RMDN3: variants seen among roughly 807,000 people sequenced by gnomAD.
RMDN3 encodes the protein regulator of microtubule dynamics 3.
RMDN3 carries 41 observed loss-of-function variants against 61.8 expected under a neutral mutation model. That is an observed-to-expected ratio of 0.66 (90% CI 0.52 to 0.86). The LOEUF (loss-of-function observed/expected upper bound fraction) is 0.86, where lower values mean the gene tolerates loss of function less well. RMDN3 is among the 40% of genes least tolerant of loss of function. The pLI is 0.00. For missense variants in RMDN3, 557 were observed against 585.3 expected (o/e 0.95, Z 0.50); for synonymous variants, 247 against 232.0 (o/e 1.06, Z -0.59).
chr15:40,743,529 G>T (rs1897365398), intron 6 of RMDN3, among the ~76,000 whole-genome samples: 1 of 152,170 alleles, frequency 6.6e-6, no homozygotes, highest in Non-Finnish European at 1.5e-5. Context: ...AGTCTCTAAA[G>T]TCCAAGCATT....
intron 4 of RMDN3, among the ~76,000 whole-genome samples, chr15:40,747,431 T>C (rs1382536293): frequency 6.6e-6 from 1 of 152,152 alleles, no homozygotes; most frequent in African/African-American, 2.4e-5. Context: ...TAGACTTTAA[T>C]TGCATCTCAG....
In RMDN3 at chr15:40,745,092, C is replaced by T. The variant is rs1277921585; in HGVS notation, c.692G>A (p.Gly231Asp). 1.9e-6 allele frequency: 3 copies of T among 1,614,044 alleles called. No homozygotes were observed. The highest frequency in any genetic ancestry group is 2.5e-6 in the Non-Finnish European group (3 of 1,180,034). Residue 231 changes from glycine to aspartate, a missense_variant, in exon 5 of 13, where the codon GGT (glycine) becomes GAT (aspartate). Transcript: ENST00000338376. ...SGASSALEAGGSSGLEDVLPL... is the reference protein window; with the variant it reads ...SGASSALEAGDSSGLEDVLPL... ...CAGCACATCCTCCAAGCCTGAGGAACCTCCAGCCTCCAGGGCACTGGAGGC... is the reference window on the plus strand; with the variant it reads ...CAGCACATCCTCCAAGCCTGAGGAATCTCCAGCCTCCAGGGCACTGGAGGC...
At chr15:40,744,626 G>A (rs1341514774) in intron 5 of RMDN3, among the ~76,000 whole-genome samples, 1 of 151,828 alleles carries the variant, frequency 6.6e-6, no homozygotes, top group East Asian at 1.9e-4. Context: ...TCTGCCTCAA[G>A]GGAAATGAGG....
rs1897034872 is a variant in RMDN3 at position 40,736,208 on chromosome 15, T to G, written c.*333A>C. On this transcript the variant is annotated 3_prime_UTR_variant, in exon 13 of 13. Coordinates refer to ENST00000338376, the MANE Select transcript of RMDN3 (RefSeq NM_018145.3). ...AAGTTATGTGCTTTGTTCCTATAGC[T>G]TTGAAGTTCATCCACCTCACCAGCA... The G allele has an allele frequency of 3.0e-6, 1 of 328,878 alleles. No homozygotes were observed. The highest frequency in any genetic ancestry group is 5.5e-6 in the Non-Finnish European group (1 of 181,374). 20.4% of individuals were successfully genotyped at this position (328,878 alleles called of 1,614,324 possible). A position where few individuals can be genotyped will look rare whatever the true frequency, so the allele number is the denominator to read the frequency against.
In RMDN3 at chr15:40,738,192, G is replaced by C. The variant is rs891747071; in HGVS notation, c.1048-150C>G. On this transcript the variant is annotated intron_variant, in intron 8 of 12. Coordinates refer to ENST00000338376, the MANE Select transcript of RMDN3 (RefSeq NM_018145.3). ...ACCTGAGGTCAGGAGTTCGAAACCA[G>C]TCCTGGCCAACATGGTGAAACCCCA... 36 of 790,074 alleles carry C rather than the reference G, an allele frequency of 4.6e-5. No homozygotes were observed. In the South Asian group the frequency reaches 5.5e-4, roughly 12 times the overall value. The allele number at this position is 790,074 out of a possible 1,614,324, so 48.9% of individuals were successfully genotyped here.
intron 6 of RMDN3, among the ~76,000 whole-genome samples, chr15:40,741,620 ATT>A (rs553262858): frequency 0.032 from 2,305 of 71,490 alleles, 59 homozygotes; most frequent in African/African-American, 0.12. Flanking sequence ...GCAACATAGG[ATT>A]TTTTTTTTTT....
chr15:40,740,671 G>T (rs1897245607), intron 6 of RMDN3, among the ~76,000 whole-genome samples: 1 of 151,942 alleles, frequency 6.6e-6, no homozygotes, highest in South Asian at 2.1e-4. Context: ...GCTTCTAAGG[G>T]AAGACTTCAG....
At chr15:40,743,593 C>T (rs904191714) in intron 6 of RMDN3, among the ~76,000 whole-genome samples, 37 of 152,180 alleles carry the variant, frequency 2.4e-4, no homozygotes, top group Non-Finnish European at 4.6e-4. Flanking sequence ...AGGTCAGATG[C>T]ACCCTATCCT....
At chr15:40,748,276 G>C (rs1358512440) in intron 4 of RMDN3, among the ~76,000 whole-genome samples, 1 of 152,170 alleles carries the variant, frequency 6.6e-6, no homozygotes, top group Non-Finnish European at 1.5e-5. Context: ...AGAGTTTGTA[G>C]ACTCCTAGAG....
Position 40,736,573 on chromosome 15 carries a change from G to C in RMDN3, c.1381C>G (p.Leu461Val). 1.2e-6 allele frequency: 2 copies of C among 1,613,954 alleles called. No homozygotes were observed. Among genetic ancestry groups the C allele is most frequent in the Middle Eastern group, 3.3e-4 (2 of 6,060 alleles). ...CGTAAAATGACTTCCAGTTCTTCCA[G>C]GTCCTTCTGGATAGCCAAATCCTAG... is the stretch of plus-strand genomic sequence containing the variant. Reference protein sequence around the residue: ...TKEDLAIQKDLEELEVILRD With the variant: ...TKEDLAIQKDVEELEVILRD The change falls in exon 13 of 13, where the codon CTG (leucine) becomes GTG (valine). Residue 461 changes from leucine (L) to valine (V), a missense_variant. Coordinates refer to ENST00000338376, the MANE Select transcript of RMDN3 (RefSeq NM_018145.3).
chr15:40,748,843 G>T (rs1897690143), intron 4 of RMDN3, among the ~76,000 whole-genome samples: 1 of 150,782 alleles, frequency 6.6e-6, no homozygotes, highest in Non-Finnish European at 1.5e-5. Flanking sequence ...CAAGTGATCT[G>T]CCCACCTCAG....
intron 6 of RMDN3, among the ~76,000 whole-genome samples, chr15:40,741,103 A>T (rs1325683211): frequency 6.6e-6 from 1 of 152,136 alleles, no homozygotes; most frequent in Non-Finnish European, 1.5e-5. Context: ...AACGGATCCA[A>T]CACAATCAGA....
Position 40,737,340 on chromosome 15 carries a change from GC to G in RMDN3, c.1225del (p.Ala409LeufsTer23). 6.2e-7 allele frequency: 1 copy of G among 1,613,640 alleles called. No homozygotes were observed. Among genetic ancestry groups the G allele is most frequent in the Non-Finnish European group, 8.5e-7 (1 of 1,179,552 alleles). On this transcript the variant is annotated frameshift_variant and splice_region_variant, in exon 11 of 13. Transcript: ENST00000338376. LOFTEE classifies it high-confidence loss of function. Reference protein sequence around the residue: ...VEDALQSFLKAEELQPGFSKA... With the variant: ...VEDALQSFLKXEELQPGFSKA... Reference sequence around the variant, plus strand: ...GGAAAATCCTGGCTGTAGTTCTTCAGCCTGGGAAAAGGGACAAAGATATTTC... The same window carrying G: ...GGAAAATCCTGGCTGTAGTTCTTCAGCTGGGAAAAGGGACAAAGATATTTC...
In RMDN3 at chr15:40,744,959, A is replaced by G. The variant is rs766829663; in HGVS notation, c.807+18T>C. ...GGGAGGGAGGGAAGGAGAAGGAGAC[A>G]GGCAGCTGGAGCCTCACCACCAGCT... On this transcript the variant is annotated intron_variant, in intron 5 of 12. Transcript: ENST00000338376. 3.6e-5 allele frequency: 57 copies of G among 1,573,134 alleles called. No individual in the cohort carries two copies. The highest frequency in any genetic ancestry group is 4.6e-5 in the Non-Finnish European group (53 of 1,158,728).
intron 10 of RMDN3, 87 bp downstream of exon 10, chr15:40,737,541 A>G: frequency 4.6e-6 from 6 of 1,299,684 alleles, no homozygotes; most frequent in South Asian, 2.5e-5. Flanking sequence ...GACTAGGAAA[A>G]CCCCTCCCAT....
At chr15:40,738,599 A>C (rs753274224) in intron 7 of RMDN3, 23 bp from the exon 8 acceptor site, 3 of 1,613,218 alleles carry the variant, frequency 1.9e-6, no homozygotes, top group South Asian at 1.1e-5. Flanking sequence ...CAGCAAGCTC[A>C]GGGACAAGGG....
At chr15:40,737,505 G>C in intron 10 of RMDN3, 123 bp downstream of exon 10, 1 of 1,135,652 alleles carries the variant, frequency 8.8e-7, no homozygotes, top group Non-Finnish European at 1.3e-6. Flanking sequence ...TTTTCCCATA[G>C]AACAGGCAAA....
In RMDN3 at chr15:40,737,583, C is replaced by G. The variant is rs750548655; in HGVS notation, c.1224+45G>C. Reference sequence around the variant, plus strand: ...TCTCAATAATGTCCTTAGGAAAAAACAAGGTTACCCTGGTGTTTTTGCCTG... The same window carrying G: ...TCTCAATAATGTCCTTAGGAAAAAAGAAGGTTACCCTGGTGTTTTTGCCTG... On this transcript the variant is annotated intron_variant, in intron 10 of 12. Coordinates refer to ENST00000338376, the MANE Select transcript of RMDN3 (RefSeq NM_018145.3). The G allele has an allele frequency of 1.9e-6, 3 of 1,542,516 alleles. No homozygotes were observed. In the Admixed American group the frequency reaches 5.2e-5, roughly 27 times the overall value.
intron 3 of RMDN3, 151 bp downstream of exon 3, chr15:40,751,835 C>T (rs1897836104): frequency 4.5e-6 from 4 of 888,334 alleles, no homozygotes; most frequent in Admixed American, 2.4e-5. Flanking sequence ...ATGTGCAAGG[C>T]GAGGTACCAA....
Sources: allele counts gnomAD v4.1 joint callset (sites outside exome capture counted in the v4.1 genomes callset), GRCh38; gene constraint gnomAD v4.1.1; transcripts MANE v1.5; gene names NCBI Gene and HGNC (gene_info 2026-07-23, HGNC 2026-07-21).